CHD1: variants seen among roughly 807,000 people sequenced by gnomAD.
The protein encoded by CHD1 is chromodomain helicase DNA binding protein 1, also known as ATP-dependent chromatin remodeler CHD1.
A neutral mutation model predicts 224.2 loss-of-function variants in CHD1; 36 were observed. The observed-to-expected ratio is 0.16, with a 90% CI of 0.12 to 0.21. The LOEUF (loss-of-function observed/expected upper bound fraction) is 0.21, where lower values mean the gene tolerates loss of function less well. Ranked by LOEUF, CHD1 falls within the 10% of genes least tolerant of loss-of-function variation. The pLI is 1.00. For missense variants in CHD1, 1,378 were observed against 1,994.8 expected (o/e 0.69, Z 5.89); for synonymous variants, 668 against 658.3 (o/e 1.01, Z -0.23).
Position 98,854,632 on chromosome 5 carries a change from G to C in CHD1, c.*1748C>G, listed in dbSNP as rs1054767722. 5 of 151,936 alleles carry C rather than the reference G, an allele frequency of 3.3e-5. No individual in the cohort carries two copies. The highest frequency in any genetic ancestry group is 2.9e-5 in the Non-Finnish European group (2 of 67,936). 9.4% of individuals were successfully genotyped at this position (151,936 alleles called of 1,614,324 possible). A position where few individuals can be genotyped will look rare whatever the true frequency, so the allele number is the denominator to read the frequency against. On this transcript the variant is annotated 3_prime_UTR_variant, in exon 36 of 36. Transcript: ENST00000614616. ...AGCATTATTATTCTTCAGGGTAACT[G>C]TATCAGAAAGAGAAATTACTGCAAA...
rs1749543924 is a variant in CHD1 at position 98,873,823 on chromosome 5, C to T, written c.3441-100G>A. 1.6e-5 allele frequency: 17 copies of T among 1,036,906 alleles called. 1 individual carries two copies. In the South Asian group the frequency reaches 2.5e-4, roughly 15 times the overall value. The allele number at this position is 1,036,906 out of a possible 1,614,324, so 64.2% of individuals were successfully genotyped here. A position where few individuals can be genotyped will look rare whatever the true frequency, so the allele number is the denominator to read the frequency against. On this transcript the variant is annotated intron_variant, in intron 25 of 35. Coordinates refer to ENST00000614616, the MANE Select transcript of CHD1 (RefSeq NM_001270.4). ...ATTTCAAGATCTGAATATCACTCTA[C>T]TGCATGCTCTATATATTCTTGTTCA... is the stretch of plus-strand genomic sequence containing the variant.
At chr5:98,912,111 AC>A (rs1752461412) in intron 2 of CHD1, among the ~76,000 whole-genome samples, 1 of 152,234 alleles carries the variant, frequency 6.6e-6, no homozygotes, top group African/African-American at 2.4e-5. Context: ...GATTTCTGCA[AC>A]CTACTATATC....
chr5:98,882,128 A>G lies in CHD1; in HGVS notation c.2719-5T>C. On this transcript the variant is annotated splice_region_variant and splice_polypyrimidine_tract_variant and intron_variant, in intron 19 of 35. Transcript: ENST00000614616. Reference sequence around the variant, plus strand: ...AACTAGACGATAAATATTCACCTGTAAAAATACACATGAGGAAACAAATTG... The same window carrying G: ...AACTAGACGATAAATATTCACCTGTGAAAATACACATGAGGAAACAAATTG... 1 of 1,610,842 alleles carries G rather than the reference A, an allele frequency of 6.2e-7. No individual in the cohort carries two copies. The highest frequency in any genetic ancestry group is 8.5e-7 in the Non-Finnish European group (1 of 1,178,966).
chr5:98,898,325 C>G lies in CHD1; in HGVS notation c.1296G>C (p.Lys432Asn). ...AATACTCATCAATGCATGCTTGAAA[C>G]TTTTTGGAAATGAGAGCTCCATCTT... ...SWEDGALISK[K>N]FQACIDEYFS... Residue 432 changes from lysine to asparagine, a missense_variant, in exon 10 of 36, where the codon AAG becomes AAC. This residue lies in a region of CHD1 where 86 missense variants were observed against 97.7 expected (regional missense o/e 0.88). Coordinates refer to ENST00000614616, the MANE Select transcript of CHD1 (RefSeq NM_001270.4). 1 of 1,601,584 alleles carries G rather than the reference C, an allele frequency of 6.2e-7. No homozygotes were observed. Among genetic ancestry groups the G allele is most frequent in the Non-Finnish European group, 8.5e-7 (1 of 1,174,458 alleles).
rs1343133820 is a variant in CHD1 at position 98,905,003 on chromosome 5, C to T, written c.149G>A (p.Ser50Asn). 1.3e-6 allele frequency: 2 copies of T among 1,558,604 alleles called. No homozygotes were observed. The highest frequency in any genetic ancestry group is 2.7e-5 in the African/African-American group (2 of 73,814). ...SDGSSSQSGS[S>N]DSDSGSESGS... is the part of the protein sequence containing the mutation. ...TGATTCAGATCCGGAGTCAGAGTCACTGCTACCTGACTGGCTACTGCTTCC... is the reference window on the plus strand; with the variant it reads ...TGATTCAGATCCGGAGTCAGAGTCATTGCTACCTGACTGGCTACTGCTTCC... Residue 50 changes from serine to asparagine, a missense_variant, in exon 3 of 36, where the codon AGT (serine) becomes AAT (asparagine). Around this residue, in one of 16 missense-constraint regions of CHD1, gnomAD observed 306 missense variants for 298.1 expected, o/e 1.03. Coordinates refer to ENST00000614616, the MANE Select transcript of CHD1 (RefSeq NM_001270.4).
At chr5:98,874,548 A>G (rs952814355) in intron 25 of CHD1, among the ~76,000 whole-genome samples, 3 of 150,378 alleles carry the variant, frequency 2.0e-5, no homozygotes, top group Admixed American at 6.6e-5. Flanking sequence ...AAAAAAAAAA[A>G]AAAAAAAAAA....
intron 34 of CHD1, 193 bp from the exon 35 acceptor site, chr5:98,858,583 T>C: frequency 3.8e-6 from 2 of 530,180 alleles, no homozygotes; most frequent in Non-Finnish European, 3.3e-6. Context: ...TGCTTGATTC[T>C]GAAATGTCAC....
intron 2 of CHD1, among the ~76,000 whole-genome samples, chr5:98,918,711 T>C (rs1160120033): frequency 1.6e-5 from 2 of 127,804 alleles, no homozygotes; most frequent in Non-Finnish European, 3.1e-5. Flanking sequence ...TGAGCCAAGA[T>C]CACACCACAG....
At chr5:98,914,751 T>C (rs1215047064) in intron 2 of CHD1, among the ~76,000 whole-genome samples, 8 of 152,186 alleles carry the variant, frequency 5.3e-5, no homozygotes, top group African/African-American at 1.9e-4. Context: ...AATAAGACTA[T>C]TCAAAACTAT....
rs1753701162 is a variant in CHD1 at position 98,928,892 on chromosome 5, A to C, written c.-502T>G. On this transcript the variant is annotated 5_prime_UTR_variant, in exon 1 of 36. Transcript: ENST00000614616. ...GCAGCCGCCATGACGCCGAGAAAGC[A>C]AGCGAGCGCAACCGTCTCCGTCGTA... 1 of 153,160 alleles carries C rather than the reference A, an allele frequency of 6.5e-6. No individual in the cohort carries two copies. The highest frequency in any genetic ancestry group is 2.5e-5 in the African/African-American group (1 of 40,812). The allele number at this position is 153,160 out of a possible 1,614,324, so 9.5% of individuals were successfully genotyped here.
Position 98,885,648 on chromosome 5 carries a change from C to G in CHD1, c.2498G>C (p.Arg833Thr), listed in dbSNP as rs1561510274. The G allele has an allele frequency of 6.4e-7, 1 of 1,564,952 alleles. No homozygotes were observed. Among genetic ancestry groups the G allele is most frequent in the Non-Finnish European group, 8.7e-7 (1 of 1,147,178 alleles). The change falls in exon 18 of 36, where the codon AGA (arginine) becomes ACA (threonine). Residue 833 changes from arginine (R) to threonine (T), a missense_variant and splice_region_variant. Coordinates refer to ENST00000614616, the MANE Select transcript of CHD1 (RefSeq NM_001270.4). Reference protein sequence around the residue: ...YLKYRQFPFQRLDGSIKGELR... With the variant: ...YLKYRQFPFQTLDGSIKGELR... ...TTCTCCTTTTATTGATCCATCTAAT[C>G]TCTAGAAAAAAACACATTAAAATAC...
intron 7 of CHD1, among the ~76,000 whole-genome samples, chr5:98,900,240 C>A (rs1447945353): frequency 6.7e-6 from 1 of 149,824 alleles, no homozygotes; most frequent in African/African-American, 2.5e-5. Flanking sequence ...TGAGACCGTG[C>A]CACTGCACTC....
chr5:98,897,205 T>C lies in CHD1; in HGVS notation c.1481A>G (p.His494Arg), dbSNP rs1424835619. The change falls in exon 11 of 36, where the codon CAT becomes CGT. Residue 494 changes from histidine (H) to arginine (R), a missense_variant. By Grantham distance (29) the His-to-Arg change is conservative (BLOSUM62 0). Around this residue, in one of 16 missense-constraint regions of CHD1, gnomAD observed 49 missense variants for 135.7 expected, o/e 0.36. Coordinates refer to ENST00000614616, the MANE Select transcript of CHD1 (RefSeq NM_001270.4). ...AAAATATACTTACTTGCACCAAGAA[T>C]GAGCAAGCCAATTTAAACCATTCAG... ...YQLNGLNWLA[H>R]SWCKGNSCIL... The C allele has an allele frequency of 6.2e-7, 1 of 1,611,438 alleles. No homozygotes were observed. Among genetic ancestry groups the C allele is most frequent in the Non-Finnish European group, 8.5e-7 (1 of 1,178,894 alleles).
chr5:98,902,779 A>C, intron 5 of CHD1, 121 bp downstream of exon 5: 1 of 582,256 alleles, frequency 1.7e-6, no homozygotes, highest in South Asian at 2.4e-5. Flanking sequence ...TAACTTCATA[A>C]AATGCCATGA....
intron 2 of CHD1, among the ~76,000 whole-genome samples, chr5:98,911,146 A>ATATAT (rs1554081078): frequency 1.8e-3 from 69 of 39,116 alleles, no homozygotes; most frequent in East Asian, 6.9e-3. Context: ...AAAAAAAAAA[A>ATATAT]ATATATATAT....
intron 24 of CHD1, 44 bp downstream of exon 24, chr5:98,876,354 C>T (rs371945014): frequency 6.4e-7 from 1 of 1,557,630 alleles, no homozygotes; most frequent in Non-Finnish European, 8.8e-7. Flanking sequence ...TAGTTTCACA[C>T]TCTACTAAAA....
intron 2 of CHD1, among the ~76,000 whole-genome samples, chr5:98,912,732 G>A (rs569891673): frequency 8.5e-5 from 13 of 152,178 alleles, no homozygotes; most frequent in Middle Eastern, 3.4e-3. Context: ...AGTCACCTCG[G>A]CAAGTGCTAG....
At chr5:98,877,227 A>C (rs1357419115) in intron 23 of CHD1, among the ~76,000 whole-genome samples, 1 of 152,222 alleles carries the variant, frequency 6.6e-6, no homozygotes, top group Non-Finnish European at 1.5e-5. Flanking sequence ...AGACAAATCT[A>C]TACGATAGAA....
At position 98,869,831 on chromosome 5, in the gene CHD1, A is replaced by C; in HGVS notation, c.4030T>G (p.Ser1344Ala). Residue 1344 changes from serine (S) to alanine (A), a missense_variant, in exon 30 of 36, where the codon TCT becomes GCT. Physicochemically the swap from Ser to Ala is moderately conservative, Grantham distance 99. Around this residue, in one of 16 missense-constraint regions of CHD1, gnomAD observed 105 missense variants for 93.4 expected, o/e 1.12. Coordinates refer to ENST00000614616, the MANE Select transcript of CHD1 (RefSeq NM_001270.4). ...ARAKKNKAMK[S>A]IKVKEEIKSD... is the part of the protein sequence containing the mutation. ...TTTATTTCCTCTTTCACTTTTATAG[A>C]CTTCATTGCTTTATTCTTCTTAGCT... 6.2e-7 allele frequency: 1 copy of C among 1,609,836 alleles called. No homozygotes were observed. Among genetic ancestry groups the C allele is most frequent in the Non-Finnish European group, 8.5e-7 (1 of 1,176,390 alleles).
Sources: gnomAD v4.1 joint callset for allele counts (sites outside exome capture counted in the v4.1 genomes callset) on GRCh38, gnomAD v4.1.1 for gene constraint, gnomAD v4.1.1 regional missense constraint, MANE v1.5 for transcripts, NCBI Gene and HGNC (gene_info 2026-07-23, HGNC 2026-07-21) for gene names.